SYNPO2: variants seen among roughly 807,000 people sequenced by gnomAD.
The protein encoded by SYNPO2 is synaptopodin 2.
In SYNPO2, 56 loss-of-function variants were observed where a neutral mutation model predicts 85.0. The observed-to-expected ratio is 0.66, with a 90% CI of 0.53 to 0.82. The LOEUF (loss-of-function observed/expected upper bound fraction) is 0.82, where lower values mean the gene tolerates loss of function less well. SYNPO2 is among the 40% of genes least tolerant of loss of function. The pLI is 0.00. For missense variants in SYNPO2, 1,575 were observed against 1,534.2 expected (o/e 1.03, Z -0.44); for synonymous variants, 602 against 591.1 (o/e 1.02, Z -0.27).
chr4:118,929,418 A>G (rs1039833547), intron 1 of SYNPO2, among the ~76,000 whole-genome samples: 4 of 152,120 alleles, frequency 2.6e-5, no homozygotes, highest in African/African-American at 9.6e-5. Context: ...AGAAAATCAT[A>G]TAGCCTCTCA....
chr4:118,856,112 C>T (rs1179001060), intron 1 of SYNPO2, among the ~76,000 whole-genome samples: 2 of 152,108 alleles, frequency 1.3e-5, no homozygotes, highest in Admixed American at 6.5e-5. Flanking sequence ...TATACCTGGC[C>T]CCACAGCTAG....
intron 4 of SYNPO2, chr4:119,037,056 C>T: frequency 1.3e-6 from 2 of 1,483,360 alleles, no homozygotes; most frequent in Non-Finnish European, 1.8e-6. Context: ...CTTGTGTTTA[C>T]CTCTGTTTAT....
intron 2 of SYNPO2, among the ~76,000 whole-genome samples, chr4:119,024,213 A>C (rs969297011): frequency 6.6e-6 from 1 of 152,210 alleles, no homozygotes; most frequent in African/African-American, 2.4e-5. Flanking sequence ...AAATGTAAAA[A>C]ACAAAAGAAA....
In SYNPO2 at chr4:119,031,543, T is replaced by C. The variant is rs1738262088; in HGVS notation, c.2768T>C (p.Val923Ala). The change falls in exon 4 of 5, where the codon GTG (valine) becomes GCG (alanine). Residue 923 changes from valine (V) to alanine (A), a missense_variant. Physicochemically the swap from Val to Ala is moderately conservative, Grantham distance 64 (BLOSUM62 0). This residue lies in a region of SYNPO2 where 1,508 missense variants were observed against 1,446.8 expected (regional missense o/e 1.04). Coordinates refer to ENST00000307142, the MANE Select transcript of SYNPO2 (RefSeq NM_133477.3). ...TCCAATGTCCGAGCACCTCCTCCTG[T>C]GGCCTATAATCCTATCCACTCGCCG... Reference protein sequence around the residue: ...YSSNVRAPPPVAYNPIHSPSY... With the variant: ...YSSNVRAPPPAAYNPIHSPSY... 1.2e-6 allele frequency: 2 copies of C among 1,614,126 alleles called. No individual in the cohort carries two copies. Among genetic ancestry groups the C allele is most frequent in the Non-Finnish European group, 1.7e-6 (2 of 1,180,008 alleles).
At chr4:119,034,775 C>A (rs770465696) in intron 4 of SYNPO2, 96 of 985,398 alleles carry the variant, frequency 9.7e-5, no homozygotes, top group Non-Finnish European at 1.2e-4. Context: ...GCTATATGTG[C>A]CACCTTTCAG....
At chr4:118,988,780 C>G (rs1480739997) in intron 1 of SYNPO2, among the ~76,000 whole-genome samples, 2 of 152,152 alleles carry the variant, frequency 1.3e-5, no homozygotes, top group African/African-American at 2.4e-5. Context: ...TGGCTTTGCC[C>G]AAGCACAGTG....
Position 119,031,469 on chromosome 4 carries a change from T to C in SYNPO2, c.2694T>C (p.Ala898=), listed in dbSNP as rs1738256602. 6.2e-7 allele frequency: 1 copy of C among 1,613,984 alleles called. No individual in the cohort carries two copies. The highest frequency in any genetic ancestry group is 8.5e-7 in the Non-Finnish European group (1 of 1,180,022). ...VDSDTVQAHA[A]RAQSPTPSLP... ...CAGACACGGTGCAGGCCCACGCTGC[T>C]CGAGCTCAGTCTCCCACTCCATCTC... Residue 898 remains alanine (A), a synonymous_variant, in exon 4 of 5, where the codon GCT becomes GCC. Coordinates refer to ENST00000307142, the MANE Select transcript of SYNPO2 (RefSeq NM_133477.3).
chr4:118,953,133 G>A (rs950713001), intron 1 of SYNPO2, among the ~76,000 whole-genome samples: 2 of 152,138 alleles, frequency 1.3e-5, no homozygotes, highest in Non-Finnish European at 2.9e-5. Flanking sequence ...ATAAGGGACA[G>A]GAAGACAGCC....
In SYNPO2 at chr4:119,002,188, A is replaced by C. The variant is rs142382220; in HGVS notation, c.106-21242A>C. Among the ~76,000 whole-genome samples, 458 of 152,280 alleles carry C rather than the reference A, an allele frequency of 3.0e-3. 2 individuals are homozygous for C. The highest frequency in any genetic ancestry group is 0.01 in the African/African-American group (426 of 41,538). Reference sequence around the variant, plus strand: ...GATTTTAGTTTTCTAAGTATTTGTCATTAGTTCATCCCCAAACTCACTCCA... The same window carrying C: ...GATTTTAGTTTTCTAAGTATTTGTCCTTAGTTCATCCCCAAACTCACTCCA... On this transcript the variant is annotated intron_variant, in intron 1 of 4. Coordinates refer to ENST00000307142, the MANE Select transcript of SYNPO2 (RefSeq NM_133477.3).
At chr4:118,884,849 C>T (rs113316254), upstream of SYNPO2, among the ~76,000 whole-genome samples, 2 of 152,140 alleles carry the variant, frequency 1.3e-5, no homozygotes, top group South Asian at 4.1e-4. Context: ...AGCAATGACT[C>T]CTAGTCTCAC....
chr4:119,020,044 G>A (rs558935980), intron 1 of SYNPO2, among the ~76,000 whole-genome samples: 5 of 152,028 alleles, frequency 3.3e-5, no homozygotes, highest in Non-Finnish European at 7.4e-5. Context: ...ATAAAAATAC[G>A]TAATTACGCA....
Position 119,057,728 on chromosome 4 carries a change from T to A in SYNPO2, c.3580T>A (p.Cys1194Ser). The A allele has an allele frequency of 3.7e-6, 6 of 1,614,158 alleles. No individual in the cohort carries two copies. The highest frequency in any genetic ancestry group is 4.2e-6 in the Non-Finnish European group (5 of 1,180,036). ...PQTQKAYMGS[C>S]GRQEYNVTAN... ...AACCCAGAAGGCCTATATGGGCTCA[T>A]GTGGAAGGCAAGAGTATAATGTCAC... Residue 1194 changes from cysteine to serine, a missense_variant, in exon 5 of 5, where the codon TGT (cysteine) becomes AGT (serine). By Grantham distance (112) the Cys-to-Ser change is moderately radical (BLOSUM62 -1). Coordinates refer to ENST00000307142, the MANE Select transcript of SYNPO2 (RefSeq NM_133477.3).
At chr4:118,890,617 G>C (rs1036606535) in intron 1 of SYNPO2, among the ~76,000 whole-genome samples, 1 of 144,810 alleles carries the variant, frequency 6.9e-6, no homozygotes, top group African/African-American at 2.6e-5. Flanking sequence ...CTAGGTATGA[G>C]ATTTGGGTTC....
chr4:118,942,835 A>G (rs908419510), intron 1 of SYNPO2, among the ~76,000 whole-genome samples: 16 of 152,256 alleles, frequency 1.1e-4, no homozygotes, highest in East Asian at 7.7e-4. Context: ...GGTCAGGTGC[A>G]GTGGCTCACA....
chr4:118,980,149 C>T (rs1560940244), intron 1 of SYNPO2, among the ~76,000 whole-genome samples: 2 of 152,144 alleles, frequency 1.3e-5, no homozygotes, highest in Admixed American at 6.5e-5. Context: ...TTAATAATGA[C>T]ATATATACCC....
At chr4:118,862,518 G>C (rs1242788267) in intron 1 of SYNPO2, among the ~76,000 whole-genome samples, 1 of 152,216 alleles carries the variant, frequency 6.6e-6, no homozygotes, top group South Asian at 2.1e-4. Flanking sequence ...CCAGTTTTTT[G>C]AGAGTTTTTA....
chr4:119,027,580 A>C, intron 3 of SYNPO2, 142 bp downstream of exon 3: 1 of 844,056 alleles, frequency 1.2e-6, no homozygotes, highest in Non-Finnish European at 1.7e-6. Context: ...ACAAAATCAC[A>C]AATGTGAAAT....
chr4:118,863,081 T>C (rs1008890000), intron 1 of SYNPO2, among the ~76,000 whole-genome samples: 2 of 152,228 alleles, frequency 1.3e-5, no homozygotes, highest in Admixed American at 6.5e-5. Context: ...AGTGCTGGGA[T>C]TATAGGCGTG....
At position 119,058,165 on chromosome 4, in the gene SYNPO2, T is replaced by C. The variant is rs1245531063; in HGVS notation, c.*231T>C. On this transcript the variant is annotated 3_prime_UTR_variant, in exon 5 of 5. Transcript: ENST00000307142. ...GAATACTTCCTTGTTGGCTGATCCA[T>C]AGAGCATTACTTGGAAGAAAATTTC... is the stretch of plus-strand genomic sequence containing the variant. The C allele has an allele frequency of 1.9e-5, 6 of 317,368 alleles. No individual in the cohort carries two copies. The highest frequency in any genetic ancestry group is 8.5e-4 in the Middle Eastern group (1 of 1,182). The allele number at this position is 317,368 out of a possible 1,614,324, so 19.7% of individuals were successfully genotyped here.
Sources: allele counts gnomAD v4.1 joint callset (sites outside exome capture counted in the v4.1 genomes callset), GRCh38; gene constraint gnomAD v4.1.1; regional missense constraint gnomAD v4.1.1; transcripts MANE v1.5; gene names NCBI Gene and HGNC (gene_info 2026-07-23, HGNC 2026-07-21).